Variants in RANBP2 observed in about 807,000 individuals in gnomAD.
The protein encoded by RANBP2 is E3 SUMO-protein ligase RanBP2.
In RANBP2, 57 loss-of-function variants were observed where a neutral mutation model predicts 303.6. The ratio of observed to expected loss-of-function variants is 0.19; its 90% confidence interval spans 0.15 to 0.23. The LOEUF (loss-of-function observed/expected upper bound fraction) is 0.23, where lower values mean the gene tolerates loss of function less well. Among genes scored for constraint, RANBP2 ranks in the 10% least tolerant of loss-of-function variants. The pLI, the probability that RANBP2 is intolerant of heterozygous loss-of-function variation, is 1.00. For synonymous variants in RANBP2, 1,167 were observed against 1,301.5 expected, an observed-to-expected ratio of 0.90 and a Z score of 2.23; for missense variants, 3,138 against 3,780.8, an observed-to-expected ratio of 0.83 and a Z score of 4.46.
chr2:108,831,952 T>C, the RANBP2 span, among the ~76,000 whole-genome samples: 2 of 151,984 alleles, frequency 1.3e-5, no homozygotes, highest in African/African-American at 4.8e-5. Context: ...AGGCTGGTCT[T>C]GAACTTCTGA....
the RANBP2 span, among the ~76,000 whole-genome samples, chr2:108,868,482 G>C: frequency 1.3e-5 from 2 of 152,304 alleles, no homozygotes; most frequent in African/African-American, 4.8e-5. Context: ...GAGACTGTGG[G>C]TTGGCTCCCC....
At chr2:109,338,252 A>ATACT in the RANBP2 span, among the ~76,000 whole-genome samples, 15 of 152,238 alleles carry the variant, frequency 9.9e-5, no homozygotes, top group African/African-American at 3.6e-4. Context: ...TGTGAGACAG[A>ATACT]TACTTAGCAC....
At chr2:109,282,711 C>T in the RANBP2 span, among the ~76,000 whole-genome samples, 1 of 152,218 alleles carries the variant, frequency 6.6e-6, no homozygotes, top group East Asian at 1.9e-4. Context: ...CTTGCACTTA[C>T]CAGCTTTATG....
the RANBP2 span, among the ~76,000 whole-genome samples, chr2:109,538,654 G>A: frequency 1.3e-5 from 2 of 152,186 alleles, no homozygotes; most frequent in South Asian, 2.1e-4. Context: ...GAGTAGCTGA[G>A]ATTACAGGCA....
chr2:109,262,773 T>C, the RANBP2 span, among the ~76,000 whole-genome samples: 1 of 152,222 alleles, frequency 6.6e-6, no homozygotes, highest in Non-Finnish European at 1.5e-5. Context: ...ATATTACATT[T>C]ATATATGTAA....
chr2:109,609,743 G>GA, the RANBP2 span, among the ~76,000 whole-genome samples: 4 of 151,932 alleles, frequency 2.6e-5, no homozygotes, highest in East Asian at 3.8e-4. Context: ...GAAGGAATGA[G>GA]AAAAAAAGTT....
the RANBP2 span, among the ~76,000 whole-genome samples, chr2:109,696,283 C>T: frequency 6.6e-6 from 1 of 152,098 alleles, no homozygotes; most frequent in African/African-American, 2.4e-5. Flanking sequence ...AGACTTTCTC[C>T]CAGATTTTCT....
At chr2:109,446,283 C>T in the RANBP2 span, among the ~76,000 whole-genome samples, 1 of 152,116 alleles carries the variant, frequency 6.6e-6, no homozygotes, top group African/African-American at 2.4e-5. Flanking sequence ...CTTTTTTCCT[C>T]AGAGACTCAC....
the RANBP2 span, among the ~76,000 whole-genome samples, chr2:109,086,520 C>A: frequency 6.6e-6 from 1 of 152,126 alleles, no homozygotes; most frequent in Non-Finnish European, 1.5e-5. Context: ...AGGGACAGAC[C>A]CTCATGGCAA....
At chr2:109,692,535 C>G in the RANBP2 span, among the ~76,000 whole-genome samples, 26 of 152,266 alleles carry the variant, frequency 1.7e-4, no homozygotes, top group Non-Finnish European at 3.5e-4. Flanking sequence ...CTGCTTCTCT[C>G]CTTGTTAAGA....
chr2:109,452,585 G>A, the RANBP2 span, among the ~76,000 whole-genome samples: 1 of 152,208 alleles, frequency 6.6e-6, no homozygotes, highest in African/African-American at 2.4e-5. Flanking sequence ...GTAGAGTAGG[G>A]AGTAATTTTC....
Position 108,751,399 on chromosome 2 carries a change from G to A in RANBP2, c.1409G>A (p.Arg470Lys). ...LFHHLPHETS[R>K]LETNAPESIC... Reference sequence around the variant, plus strand: ...CATCATTTGCCCCATGAAACCTCAAGGCTTGAAACAAATGCACCTGAATCA... The same window carrying A: ...CATCATTTGCCCCATGAAACCTCAAAGCTTGAAACAAATGCACCTGAATCA... The change falls in exon 10 of 29, where the codon AGG (arginine) becomes AAG (lysine). Residue 470 changes from arginine (R) to lysine (K), a missense_variant. Arg to Lys is a conservative substitution (Grantham distance 26). This residue lies in a region of RANBP2 where 162 missense variants were observed against 286.9 expected (regional missense o/e 0.56). Coordinates refer to ENST00000283195, the MANE Select transcript of RANBP2 (RefSeq NM_006267.5). The A allele has an allele frequency of 1.2e-6, 2 of 1,611,902 alleles. No individual in the cohort carries two copies. Among genetic ancestry groups the A allele is most frequent in the Non-Finnish European group, 1.7e-6 (2 of 1,179,842 alleles).
chr2:109,016,302 A>G, the RANBP2 span, among the ~76,000 whole-genome samples: 3 of 151,398 alleles, frequency 2.0e-5, no homozygotes, highest in Non-Finnish European at 4.4e-5. Context: ...GTTCACCAGG[A>G]TGGCCTCGAT....
rs140447239 is a variant in RANBP2 at position 108,781,953 on chromosome 2, C to G, written c.8761-175C>G. Among the ~76,000 whole-genome samples the G allele has an allele frequency of 5.0e-3, 760 of 152,266 alleles. 4 individuals carry two copies. Among genetic ancestry groups the G allele is most frequent in the South Asian group, 0.021 (101 of 4,828 alleles). On this transcript the variant is annotated intron_variant, in intron 26 of 28. Coordinates refer to ENST00000283195, the MANE Select transcript of RANBP2 (RefSeq NM_006267.5). ...TGTTTAATGATAAATCAGGTCTTTA[C>G]TCCCTCAGCCAAATCAGATATATTC...
At chr2:109,436,898 C>T in the RANBP2 span, 1 of 1,613,230 alleles carries the variant, frequency 6.2e-7, no homozygotes, top group South Asian at 1.1e-5. Flanking sequence ...CACAGGGTGC[C>T]TGCAGGAGGG....
At chr2:109,209,772 T>C in the RANBP2 span, among the ~76,000 whole-genome samples, 1 of 152,204 alleles carries the variant, frequency 6.6e-6, no homozygotes, top group African/African-American at 2.4e-5. Flanking sequence ...GTTCACCTCC[T>C]GTGCTTACTT....
the RANBP2 span, among the ~76,000 whole-genome samples, chr2:109,256,525 T>G: frequency 1.2e-3 from 181 of 152,228 alleles, no homozygotes; most frequent in South Asian, 2.1e-3. Context: ...CCAGGTTCAG[T>G]CCACTCCTGG....
chr2:109,544,250 G>GTT, the RANBP2 span: 2 of 1,597,056 alleles, frequency 1.3e-6, no homozygotes, highest in Middle Eastern at 1.7e-4. Context: ...CACACTTCTA[G>GTT]TTTTTTTTTA....
chr2:109,657,830 G>A, the RANBP2 span, among the ~76,000 whole-genome samples: 4 of 144,988 alleles, frequency 2.8e-5, no homozygotes, highest in Non-Finnish European at 6.0e-5. Context: ...AGTGATTCTC[G>A]TGCCTCAGCC....
Sources: gnomAD v4.1 joint callset for allele counts (sites outside exome capture counted in the v4.1 genomes callset) on GRCh38, gnomAD v4.1.1 for gene constraint, gnomAD v4.1.1 regional missense constraint, MANE v1.5 for transcripts, NCBI Gene and HGNC (gene_info 2026-07-23, HGNC 2026-07-21) for gene names.